PLCE1: variants seen among roughly 807,000 people sequenced by gnomAD.
PLCE1 encodes phospholipase C epsilon 1, also known as 1-phosphatidylinositol 4,5-bisphosphate phosphodiesterase epsilon-1.
Under a neutral mutation model 242.8 loss-of-function variants are expected in PLCE1, and 119 were observed. That is an observed-to-expected ratio of 0.49 (90% CI 0.42 to 0.57). The LOEUF (loss-of-function observed/expected upper bound fraction) is 0.57, where lower values mean the gene tolerates loss of function less well. Among genes scored for constraint, PLCE1 ranks in the 20% least tolerant of loss-of-function variants. The pLI, the probability that PLCE1 is intolerant of heterozygous loss-of-function variation, is 0.00. For synonymous variants in PLCE1, 945 were observed against 1,017.4 expected, an observed-to-expected ratio of 0.93 and a Z score of 1.35; for missense variants, 2,441 against 2,788.8, an observed-to-expected ratio of 0.88 and a Z score of 2.81.
At chr10:94,017,375 A>T (rs1285468214) in intron 1 of PLCE1, among the ~76,000 whole-genome samples, 3 of 152,180 alleles carry the variant, frequency 2.0e-5, no homozygotes, top group African/African-American at 7.2e-5. Context: ...CTTCCTTTGG[A>T]TGATGAATTC....
chr10:94,312,437 G>A (rs79509194), intron 27 of PLCE1, among the ~76,000 whole-genome samples: 2,259 of 152,314 alleles, frequency 0.015, 28 homozygotes, highest in Non-Finnish European at 0.022. Flanking sequence ...ATGCCCTGCT[G>A]TAGGCCATTT....
intron 27 of PLCE1, among the ~76,000 whole-genome samples, chr10:94,308,902 C>G (rs1177723899): frequency 6.6e-6 from 1 of 152,128 alleles, no homozygotes; most frequent in Admixed American, 6.5e-5. Context: ...CAGGCAGTAG[C>G]TATTTAGTAT....
At chr10:94,255,937 CT>C (rs1364625093) in intron 11 of PLCE1, among the ~76,000 whole-genome samples, 1 of 150,208 alleles carries the variant, frequency 6.7e-6, no homozygotes, top group Non-Finnish European at 1.5e-5. Context: ...CTCTCTCTCT[CT>C]CTCTCTCTCT....
Position 94,324,578 on chromosome 10 carries a change from A to G in PLCE1, c.6720+11A>G, listed in dbSNP as rs756183112. 1.9e-6 allele frequency: 3 copies of G among 1,600,670 alleles called. No homozygotes were observed. The Admixed American group carries it at 5.0e-5, about 27-fold the overall frequency. ...AAGGAGCAGGTGCAGGTAAAGTTTA[A>G]AGTTATTTTGCTCTGTTCTTAAGTT... is the stretch of plus-strand genomic sequence containing the variant. On this transcript the variant is annotated intron_variant, in intron 31 of 32. Transcript: ENST00000371380.
intron 1 of PLCE1, among the ~76,000 whole-genome samples, chr10:94,009,546 A>G (rs1006703746): frequency 1.3e-5 from 2 of 152,186 alleles, no homozygotes; most frequent in Non-Finnish European, 2.9e-5. Context: ...TCATTCCACC[A>G]TCAAGTACCA....
intron 2 of PLCE1, among the ~76,000 whole-genome samples, chr10:94,071,075 G>C (rs757928753): frequency 3.3e-5 from 5 of 152,168 alleles, no homozygotes; most frequent in Non-Finnish European, 7.3e-5. Context: ...AGGCTAAGCA[G>C]CTTGCTCAAG....
chr10:94,170,583 A>G (rs763822547), intron 3 of PLCE1, among the ~76,000 whole-genome samples: 4 of 152,070 alleles, frequency 2.6e-5, no homozygotes, highest in African/African-American at 4.8e-5. Context: ...TTCCTTTCTT[A>G]TGTTTGTAGA....
chr10:94,154,045 T>C (rs2047353193), intron 3 of PLCE1, among the ~76,000 whole-genome samples: 1 of 152,196 alleles, frequency 6.6e-6, no homozygotes, highest in South Asian at 2.1e-4. Flanking sequence ...AAAATAATTT[T>C]TTTAAAGATT....
intron 2 of PLCE1, chr10:94,100,344 C>T (rs1179063569): frequency 6.6e-6 from 1 of 152,134 alleles, no homozygotes; most frequent in Non-Finnish European, 1.5e-5. Flanking sequence ...AGGGGTACCA[C>T]AGAGTTAGGC....
intron 1 of PLCE1, among the ~76,000 whole-genome samples, chr10:93,999,488 G>C (rs1304894503): frequency 6.6e-6 from 1 of 152,218 alleles, no homozygotes; most frequent in Non-Finnish European, 1.5e-5. Context: ...ATCAGCCACT[G>C]AATGGTATGT....
rs2061231071 is a variant in PLCE1 at position 94,014,235 on chromosome 10, G to A, written c.-364-16448G>A. ...GTCAAGAGACACCTTCCCTAAGGCA[G>A]CTAAGAGGTTAGGATCCTGCCATCT... On this transcript the variant is annotated intron_variant, in intron 1 of 32. Coordinates refer to ENST00000371380, the MANE Select transcript of PLCE1 (RefSeq NM_016341.4). Among the ~76,000 whole-genome samples, 3 of 152,138 alleles carry A rather than the reference G, an allele frequency of 2.0e-5. No homozygotes were observed. In the South Asian group the frequency reaches 6.2e-4, roughly 31 times the overall value.
intron 2 of PLCE1, among the ~76,000 whole-genome samples, chr10:94,036,295 C>T (rs867515281): frequency 6.6e-6 from 1 of 152,302 alleles, no homozygotes; most frequent in Middle Eastern, 3.4e-3. Context: ...TGTGTGTCTT[C>T]TCACTCAGGG....
chr10:94,159,388 G>A (rs975345941), intron 3 of PLCE1, among the ~76,000 whole-genome samples: 1 of 152,102 alleles, frequency 6.6e-6, no homozygotes, highest in Non-Finnish European at 1.5e-5. Context: ...GCAATTTTCA[G>A]CTCTTCCTGA....
intron 2 of PLCE1, among the ~76,000 whole-genome samples, chr10:94,114,138 G>C (rs1363417556): frequency 2.0e-5 from 3 of 152,162 alleles, no homozygotes; most frequent in Admixed American, 2.0e-4. Flanking sequence ...TCTTTGAATG[G>C]TTGCAAAGTC....
intron 23 of PLCE1, among the ~76,000 whole-genome samples, chr10:94,295,618 G>A (rs181664402): frequency 3.9e-5 from 6 of 152,242 alleles, no homozygotes; most frequent in East Asian, 1.9e-4. Context: ...TCTTAAGGGC[G>A]TCTAGAATGG....
intron 1 of PLCE1, among the ~76,000 whole-genome samples, chr10:94,028,674 C>T (rs1308551978): frequency 6.6e-6 from 1 of 152,082 alleles, no homozygotes; most frequent in Non-Finnish European, 1.5e-5. Flanking sequence ...AGTGGCCGGG[C>T]ACAGTGGCTC....
At chr10:94,315,079 G>A (rs2053521408) in intron 28 of PLCE1, 2 of 232,640 alleles carry the variant, frequency 8.6e-6, no homozygotes, top group Non-Finnish European at 1.7e-5. Flanking sequence ...CTGAGCAGGG[G>A]GTGATGCTGG....
Position 94,097,020 on chromosome 10 carries a change from A to T in PLCE1, c.1207-35154A>T, listed in dbSNP as rs532606283. On this transcript the variant is annotated intron_variant, in intron 2 of 32. Transcript: ENST00000371380. ...GTGGCTTCTATGAAAGAAAGTACCA[A>T]GAAGTTTATAACTGAAAGGATCACA... 2.0e-5 allele frequency: 3 copies of T among 152,330 alleles called. No homozygotes were observed. In the East Asian group the frequency reaches 5.8e-4, roughly 29 times the overall value. The allele number at this position is 152,330 out of a possible 1,614,324, so 9.4% of individuals were successfully genotyped here. A position where few individuals can be genotyped will look rare whatever the true frequency, so the allele number is the denominator to read the frequency against.
chr10:94,232,463 G>A (rs779738173), intron 5 of PLCE1, among the ~76,000 whole-genome samples: 5 of 152,134 alleles, frequency 3.3e-5, no homozygotes, highest in African/African-American at 1.2e-4. Flanking sequence ...AGAGGAGATG[G>A]GAAAGGATGG....
Sources: gnomAD v4.1 joint callset for allele counts (sites outside exome capture counted in the v4.1 genomes callset) on GRCh38, gnomAD v4.1.1 for gene constraint, MANE v1.5 for transcripts, NCBI Gene and HGNC (gene_info 2026-07-23, HGNC 2026-07-21) for gene names.